JMJD6: variants seen among roughly 807,000 people sequenced by gnomAD.
JMJD6 encodes the protein jumonji domain containing 6, arginine demethylase and lysine hydroxylase.
Under a neutral mutation model 45.8 loss-of-function variants are expected in JMJD6, and 17 were observed. The observed-to-expected ratio is 0.37, with a 90% CI of 0.25 to 0.56. The LOEUF (loss-of-function observed/expected upper bound fraction) is 0.56, where lower values mean the gene tolerates loss of function less well. Among genes scored for constraint, JMJD6 ranks in the 20% least tolerant of loss-of-function variants. The pLI, the probability that JMJD6 is intolerant of heterozygous loss-of-function variation, is 0.79. For synonymous variants in JMJD6, 221 were observed against 196.3 expected, an observed-to-expected ratio of 1.13 and a Z score of -1.05; for missense variants, 470 against 517.5, an observed-to-expected ratio of 0.91 and a Z score of 0.89.
At chr17:76,717,047 A>G (rs1182367475), downstream of JMJD6, among the ~76,000 whole-genome samples, 3 of 152,186 alleles carry the variant, frequency 2.0e-5, no homozygotes, top group Non-Finnish European at 4.4e-5. Flanking sequence ...ATTTCAGCTA[A>G]ACCACAGAGA....
At position 76,720,388 on chromosome 17, in the gene JMJD6, C is replaced by T; in HGVS notation, c.1052G>A (p.Ser351Asn). 6.2e-7 allele frequency: 1 copy of T among 1,614,126 alleles called. No homozygotes were observed. The highest frequency in any genetic ancestry group is 8.5e-7 in the Non-Finnish European group (1 of 1,180,012). Residue 351 changes from serine to asparagine, a missense_variant, in exon 5 of 6, where the codon AGC becomes AAC. By Grantham distance (46) the Ser-to-Asn change is conservative (BLOSUM62 1). Transcript: ENST00000397625. ...DSSSDSSSSSSSSSSDSDSEC... is the reference protein window; with the variant it reads ...DSSSDSSSSSNSSSSDSDSEC... ...TGAGTCGGAGTCTGACGAACTGGAG[C>T]TGGAGGAGCTGGAAGAGTCGCTGGA... is the stretch of plus-strand genomic sequence containing the variant.
At chr17:76,721,999 A>G in intron 3 of JMJD6, 66 bp from the exon 4 acceptor site, 3 of 1,553,890 alleles carry the variant, frequency 1.9e-6, no homozygotes, top group Non-Finnish European at 2.6e-6. Flanking sequence ...TATAACACAC[A>G]CACCAGAAAT....
At position 76,718,591 on chromosome 17, in the gene JMJD6, G is replaced by A. The variant is rs182956775; in HGVS notation, c.*138C>T. 6.3e-5 allele frequency: 91 copies of A among 1,448,228 alleles called. No individual in the cohort carries two copies. The African/African-American group carries it at 1.1e-3, about 17-fold the overall frequency. 89.7% of individuals were successfully genotyped at this position (1,448,228 alleles called of 1,614,324 possible). A position where few individuals can be genotyped will look rare whatever the true frequency, so the allele number is the denominator to read the frequency against. ...CTACTGGAGCAAACGCTAAGTGAATGGGTTCCCGTGCCGAGGGTGTCCTCA... is the reference window on the plus strand; with the variant it reads ...CTACTGGAGCAAACGCTAAGTGAATAGGTTCCCGTGCCGAGGGTGTCCTCA... On this transcript the variant is annotated 3_prime_UTR_variant, in exon 6 of 6. Coordinates refer to ENST00000397625, the MANE Select transcript of JMJD6 (RefSeq NM_015167.3).
chr17:76,725,424 A>T, intron 2 of JMJD6, 43 bp downstream of exon 2: 1 of 1,508,532 alleles, frequency 6.6e-7, no homozygotes, highest in Non-Finnish European at 8.8e-7. Context: ...AAAAAAAAAA[A>T]AAAAGAAAAG....
intron 3 of JMJD6, among the ~76,000 whole-genome samples, chr17:76,723,022 C>G (rs558592042): frequency 1.3e-5 from 2 of 150,472 alleles, no homozygotes; most frequent in Admixed American, 6.6e-5. Flanking sequence ...TCTCAGCTCA[C>G]TGCAGCCTCC....
At chr17:76,722,845 CA>C (rs71158058) in intron 3 of JMJD6, among the ~76,000 whole-genome samples, 79 of 43,260 alleles carry the variant, frequency 1.8e-3, no homozygotes, top group African/African-American at 7.9e-3. Context: ...GACTTGGTCT[CA>C]AAAAAAAAAA....
downstream of JMJD6, chr17:76,716,737 A>C (rs1490469338): frequency 6.2e-7 from 1 of 1,614,090 alleles, no homozygotes; most frequent in Non-Finnish European, 8.5e-7. Flanking sequence ...CAAGGAAAGC[A>C]CAACTGCCTG....
chr17:76,717,819 T>C (rs557284390), downstream of JMJD6, among the ~76,000 whole-genome samples: 21 of 135,566 alleles, frequency 1.5e-4, no homozygotes, highest in African/African-American at 5.4e-4. Flanking sequence ...TGAAACCCTG[T>C]CTCTACTAAA....
At chr17:76,720,673 C>G (rs2076812601) in intron 4 of JMJD6, 175 bp from the exon 5 acceptor site, 1 of 584,370 alleles carries the variant, frequency 1.7e-6, no homozygotes, top group Admixed American at 2.9e-5. Flanking sequence ...ACAAGAGAAA[C>G]CCAATACGGT....
downstream of JMJD6, chr17:76,716,523 G>C: frequency 1.5e-6 from 1 of 650,634 alleles, no homozygotes; most frequent in East Asian, 2.7e-5. Context: ...TTAGGAAGCA[G>C]TAAAAACAGC....
intron 5 of JMJD6, among the ~76,000 whole-genome samples, chr17:76,719,138 T>A (rs1211306703): frequency 6.6e-6 from 1 of 152,152 alleles, no homozygotes. Context: ...ATTGTAAAAA[T>A]CTTTTAGTCA....
downstream of JMJD6, chr17:76,718,407 A>G (rs1035816809): frequency 2.9e-5 from 36 of 1,255,654 alleles, no homozygotes; most frequent in Non-Finnish European, 3.2e-5. Context: ...GAGAAGAGCA[A>G]TAAGGGAATG....
chr17:76,724,984 G>A (rs1057028669), intron 2 of JMJD6, among the ~76,000 whole-genome samples: 3 of 152,154 alleles, frequency 2.0e-5, no homozygotes, highest in Middle Eastern at 3.2e-3. Flanking sequence ...AATTAAATCA[G>A]TCTCCCCAGT....
At chr17:76,726,197 G>T in intron 1 of JMJD6, 150 bp downstream of exon 1, 1 of 1,110,894 alleles carries the variant, frequency 9.0e-7, no homozygotes, top group Non-Finnish European at 1.2e-6. Flanking sequence ...CGGAATCCGC[G>T]CCTCGGGGAC....
downstream of JMJD6, chr17:76,716,633 T>G: frequency 6.4e-7 from 1 of 1,561,350 alleles, no homozygotes; most frequent in Non-Finnish European, 8.8e-7. Context: ...CTGAGTTGGG[T>G]GGCTGCCAAA....
intron 5 of JMJD6, among the ~76,000 whole-genome samples, chr17:76,719,728 T>C (rs1166578198): frequency 6.6e-6 from 1 of 152,206 alleles, no homozygotes; most frequent in Non-Finnish European, 1.5e-5. Context: ...CATATGAGCT[T>C]TGAGGTCAGA....
At chr17:76,720,290 C>A (rs2076806701) in intron 5 of JMJD6, 70 bp downstream of exon 5, 1 of 1,427,736 alleles carries the variant, frequency 7.0e-7, no homozygotes, top group Middle Eastern at 2.1e-4. Flanking sequence ...GAGGAAGAGT[C>A]ACACCTGGTT....
In JMJD6 at chr17:76,725,674, T is replaced by C; in HGVS notation, c.311A>G (p.Asp104Gly). 1.2e-6 allele frequency: 2 copies of C among 1,614,116 alleles called. No individual in the cohort carries two copies. The highest frequency in any genetic ancestry group is 1.7e-6 in the Non-Finnish European group (2 of 1,180,018). The stretch of plus-strand genomic sequence containing the variant: ...CATCTTCACTGAGTAGCCATCGTTA[T>C]CCTCACCACACTTGAACTTCTGGTT... The part of the protein sequence containing the change: ...YRNQKFKCGE[D>G]NDGYSVKMKM... The change falls in exon 2 of 6, where the codon GAT becomes GGT. Residue 104 changes from aspartate to glycine, a missense_variant. Transcript: ENST00000397625.
rs903828702 is a variant in JMJD6, at chr17:76,720,341, C to A, written c.1080+19G>T. ...GAGCCTTGGAGGCTCCAGGAGTCAGCCAGAGAGCAAGGCCTCACCTCTGAG... is the reference window on the plus strand; with the variant it reads ...GAGCCTTGGAGGCTCCAGGAGTCAGACAGAGAGCAAGGCCTCACCTCTGAG... On this transcript the variant is annotated intron_variant, in intron 5 of 5. Transcript: ENST00000397625. The A allele has an allele frequency of 6.2e-7, 1 of 1,612,474 alleles. No homozygotes were observed. The highest frequency in any genetic ancestry group is 1.3e-5 in the African/African-American group (1 of 74,884).
Sources: allele counts gnomAD v4.1 joint callset (sites outside exome capture counted in the v4.1 genomes callset), GRCh38; gene constraint gnomAD v4.1.1; transcripts MANE v1.5; gene names NCBI Gene and HGNC (gene_info 2026-07-23, HGNC 2026-07-21).